Variants in GRM8 observed in about 807,000 individuals in gnomAD.
GRM8 encodes the protein glutamate metabotropic receptor 8.
Under a neutral mutation model 87.2 loss-of-function variants are expected in GRM8, and 47 were observed. The observed-to-expected ratio is 0.54, with a 90% CI of 0.43 to 0.69. The LOEUF is 0.69. Ranked by LOEUF, GRM8 falls within the 30% of genes least tolerant of loss-of-function variation. The probability of loss-of-function intolerance (pLI) is 0.00; values close to 1 mark genes in which losing one functional copy is unlikely to be tolerated. For missense variants in GRM8, 1,019 were observed against 1,139.2 expected, an observed-to-expected ratio of 0.89 and a Z score of 1.52; for synonymous variants, 396 against 404.5, an observed-to-expected ratio of 0.98 and a Z score of 0.25.
intron 8 of GRM8, among the ~76,000 whole-genome samples, chr7:126,548,304 T>TA (rs1199725800): frequency 2.9e-5 from 4 of 139,758 alleles, no homozygotes; most frequent in African/African-American, 1.0e-4. Context: ...ACCTAGAACT[T>TA]AAAGTATAAT....
chr7:126,454,767 G>A (rs892377210), intron 9 of GRM8, among the ~76,000 whole-genome samples: 1 of 151,650 alleles, frequency 6.6e-6, no homozygotes, highest in African/African-American at 2.4e-5. Context: ...GGAAAATCAC[G>A]TGATAACACA....
intron 9 of GRM8, among the ~76,000 whole-genome samples, chr7:126,504,467 C>G (rs1476538850): frequency 5.3e-5 from 8 of 151,868 alleles, no homozygotes; most frequent in African/African-American, 1.9e-4. Flanking sequence ...TGCCAGTGTA[C>G]TGATGACTTT....
rs1797855247 is a variant in GRM8, at chr7:126,602,214, C to T, written c.1494+7148G>A. ...AATCCTTTCCCCATTGCTTGTTTTT[C>T]TCAGGTTTGTCAAAGATCAGATAGT... On this transcript the variant is annotated intron_variant, in intron 8 of 10. Coordinates refer to ENST00000339582, the MANE Select transcript of GRM8 (RefSeq NM_000845.3). Among the ~76,000 whole-genome samples the T allele has an allele frequency of 4.2e-5, 6 of 143,032 alleles. No individual in the cohort carries two copies. The South Asian group carries it at 1.4e-3, about 34-fold the overall frequency. The allele number at this position is 143,032 out of a possible 152,430, so 93.8% of individuals were successfully genotyped here. A position where few individuals can be genotyped will look rare whatever the true frequency, so the allele number is the denominator to read the frequency against.
At chr7:127,042,794 A>T (rs1037761259) in intron 3 of GRM8, among the ~76,000 whole-genome samples, 1 of 152,256 alleles carries the variant, frequency 6.6e-6, no homozygotes, top group African/African-American at 2.4e-5. Context: ...ACTTCTGCAC[A>T]GCAAAAGAAA....
chr7:127,131,992 CAT>C (rs1450152143), intron 2 of GRM8, among the ~76,000 whole-genome samples: 3 of 152,028 alleles, frequency 2.0e-5, no homozygotes, highest in African/African-American at 4.8e-5. Flanking sequence ...CCATTTAAAA[CAT>C]GTCATTTATT....
At chr7:126,945,451 C>A (rs545030156) in intron 3 of GRM8, among the ~76,000 whole-genome samples, 1 of 152,114 alleles carries the variant, frequency 6.6e-6, no homozygotes, top group Non-Finnish European at 1.5e-5. Flanking sequence ...TTTTGATTGC[C>A]ATCATGGTGT....
chr7:126,909,721 T>G (rs546790361), intron 3 of GRM8, among the ~76,000 whole-genome samples: 14 of 152,198 alleles, frequency 9.2e-5, no homozygotes, highest in Non-Finnish European at 2.1e-4. Flanking sequence ...ACAATACACA[T>G]GATCACTCCT....
chr7:127,036,390 A>C (rs371581529), intron 3 of GRM8, among the ~76,000 whole-genome samples: 3 of 152,320 alleles, frequency 2.0e-5, no homozygotes, highest in East Asian at 3.9e-4. Flanking sequence ...ATTGTTAAGG[A>C]AGATGACTGT....
In GRM8 at chr7:126,625,944, TCTTTTCATCTTATGTA is replaced by T. The variant is rs1167617736; in HGVS notation, c.1358-16462_1358-16447del. On this transcript the variant is annotated intron_variant, in intron 7 of 10. Coordinates refer to ENST00000339582, the MANE Select transcript of GRM8 (RefSeq NM_000845.3). ...TATTTTCATTCTGTAACAGAAATCC[TCTTTTCATCTTATGTA>T]CTTGAAGCCCTTTATTATTTTTTCT... is the stretch of plus-strand genomic sequence containing the variant. 5.3e-4 allele frequency among the ~76,000 whole-genome samples: 80 copies of T among 152,204 alleles called. 2 individuals are homozygous for T. Among genetic ancestry groups the T allele is most frequent in the Non-Finnish European group, 1.8e-4 (12 of 68,024 alleles).
intron 8 of GRM8, among the ~76,000 whole-genome samples, chr7:126,535,645 C>T (rs1815590868): frequency 6.6e-6 from 1 of 152,178 alleles, no homozygotes; most frequent in South Asian, 2.1e-4. Context: ...CAGGTCGCTG[C>T]CATGGAAAGA....
chr7:126,811,070 T>A (rs927021203), intron 6 of GRM8, among the ~76,000 whole-genome samples: 1 of 152,140 alleles, frequency 6.6e-6, no homozygotes, highest in African/African-American at 2.4e-5. Flanking sequence ...AGAGGCCCAG[T>A]TTCATTCTTC....
At position 126,609,353 on chromosome 7, in the gene GRM8, G is replaced by A. The variant is rs750374338; in HGVS notation, c.1494+9C>T. The A allele has an allele frequency of 1.4e-5, 23 of 1,609,164 alleles. No individual in the cohort carries two copies. The Admixed American group carries it at 1.7e-4, about 12-fold the overall frequency. On this transcript the variant is annotated intron_variant, in intron 8 of 10. Coordinates refer to ENST00000339582, the MANE Select transcript of GRM8 (RefSeq NM_000845.3). ...ATATACATTAATATATGTTTATGAC[G>A]ATACTTGCTTTTAGATGAAGCTGAT...
chr7:126,817,278 T>C (rs1451616395), intron 6 of GRM8, among the ~76,000 whole-genome samples: 3 of 152,150 alleles, frequency 2.0e-5, no homozygotes, highest in African/African-American at 7.2e-5. Context: ...CTACCTTTGG[T>C]GAATATTCCT....
rs1448898933 is a variant in GRM8 at position 126,479,284 on chromosome 7, A to G, written c.2431-32912T>C. ...TGTATCCACTTAAAGTACACAATTC[A>G]GAAGTTTTTAGTATATTCACAGAGC... On this transcript the variant is annotated intron_variant, in intron 9 of 10. Transcript: ENST00000339582. Among the ~76,000 whole-genome samples, 47 of 152,130 alleles carry G rather than the reference A, an allele frequency of 3.1e-4. 1 individual carries two copies. Among genetic ancestry groups the G allele is most frequent in the Admixed American group, 3.1e-3 (47 of 15,254 alleles).
intron 6 of GRM8, among the ~76,000 whole-genome samples, chr7:126,865,476 A>T (rs1798508790): frequency 6.6e-6 from 1 of 152,222 alleles, no homozygotes; most frequent in Non-Finnish European, 1.5e-5. Flanking sequence ...AATGGCTTTT[A>T]ATATATACAT....
intron 3 of GRM8, among the ~76,000 whole-genome samples, chr7:127,008,663 C>A (rs554994330): frequency 1.3e-5 from 2 of 152,054 alleles, no homozygotes; most frequent in East Asian, 3.9e-4. Context: ...TAATTTAAAT[C>A]TGTTATTTTT....
intron 7 of GRM8, among the ~76,000 whole-genome samples, chr7:126,649,613 G>A (rs1043738289): frequency 1.8e-4 from 27 of 152,112 alleles, no homozygotes; most frequent in African/African-American, 6.5e-4. Context: ...ACCTGGAGTG[G>A]AGTCAGTAGA....
intron 2 of GRM8, among the ~76,000 whole-genome samples, chr7:127,160,778 A>G (rs1236653451): frequency 6.6e-6 from 1 of 150,790 alleles, no homozygotes; most frequent in African/African-American, 2.4e-5. Context: ...CCAGGGATAG[A>G]GGTCACCCCC....
intron 3 of GRM8, among the ~76,000 whole-genome samples, chr7:127,003,928 A>G (rs934893726): frequency 6.6e-6 from 1 of 151,710 alleles, no homozygotes; most frequent in Non-Finnish European, 1.5e-5. Context: ...GTATCTGTAC[A>G]CTATTTATGA....
Sources: gnomAD v4.1 joint callset for allele counts (sites outside exome capture counted in the v4.1 genomes callset) on GRCh38, gnomAD v4.1.1 for gene constraint, MANE v1.5 for transcripts, NCBI Gene and HGNC (gene_info 2026-07-23, HGNC 2026-07-21) for gene names.